Variants in RMDN3 observed in about 807,000 individuals in gnomAD.
The protein encoded by RMDN3 is regulator of microtubule dynamics protein 3.
RMDN3 carries 41 observed loss-of-function variants against 61.8 expected under a neutral mutation model. The ratio of observed to expected loss-of-function variants is 0.66; its 90% CI spans 0.52 to 0.86. The LOEUF is 0.86. RMDN3 is among the 40% of genes least tolerant of loss of function. RMDN3 has a pLI of 0.00. For synonymous variants in RMDN3, 247 were observed against 232.0 expected (o/e 1.06, Z -0.59); for missense variants, 557 against 585.3 (o/e 0.95, Z 0.50).
intron 2 of RMDN3, among the ~76,000 whole-genome samples, chr15:40,753,449 G>C (rs925650099): frequency 1.3e-5 from 2 of 151,978 alleles, no homozygotes; most frequent in African/African-American, 4.8e-5. Context: ...GGAGGCGGAG[G>C]TTGCAGTGAG....
chr15:40,741,753 C>G (rs1333630188), intron 6 of RMDN3, among the ~76,000 whole-genome samples: 1 of 150,326 alleles, frequency 6.7e-6, no homozygotes, highest in South Asian at 2.1e-4. Context: ...GTCAGCCTCC[C>G]GAGTAGCTGG....
chr15:40,749,758 C>G (rs1371411265), intron 4 of RMDN3, among the ~76,000 whole-genome samples: 1 of 152,142 alleles, frequency 6.6e-6, no homozygotes, highest in African/African-American at 2.4e-5. Flanking sequence ...TCATTTTTGC[C>G]CCCTCTTTAA....
intron 1 of RMDN3, 56 bp from the exon 2 acceptor site, chr15:40,754,846 GGA>G (rs913169385): frequency 5.1e-5 from 69 of 1,352,480 alleles, no homozygotes; most frequent in East Asian, 3.2e-4. Context: ...GCGGGGGTAA[GGA>G]GAGAGAGAGA....
rs920217281 is a variant in RMDN3, at chr15:40,738,420, A to G, written c.1047+81T>C. 4 of 1,390,154 alleles carry G rather than the reference A, an allele frequency of 2.9e-6. No individual in the cohort carries two copies. In the African/African-American group the frequency reaches 4.3e-5, roughly 15 times the overall value. 86.1% of individuals were successfully genotyped at this position (1,390,154 alleles called of 1,614,324 possible). On this transcript the variant is annotated intron_variant, in intron 8 of 12. Transcript: ENST00000338376. ...AAAGGCAAGTCACTGAGGCTGTAGAAAAGTTTTTGGCAGGGAGCTGGAAAG... is the reference window on the plus strand; with the variant it reads ...AAAGGCAAGTCACTGAGGCTGTAGAGAAGTTTTTGGCAGGGAGCTGGAAAG...
At chr15:40,751,745 C>A in intron 3 of RMDN3, 176 bp from the exon 4 acceptor site, 1 of 966,792 alleles carries the variant, frequency 1.0e-6, no homozygotes, top group Non-Finnish European at 1.6e-6. Context: ...CCAGCCCGCA[C>A]AGACAGACTA....
At chr15:40,747,070 G>C (rs1897601644) in intron 4 of RMDN3, among the ~76,000 whole-genome samples, 1 of 152,110 alleles carries the variant, frequency 6.6e-6, no homozygotes, top group Non-Finnish European at 1.5e-5. Flanking sequence ...ATGCAAAATG[G>C]GTAGATGGTT....
chr15:40,751,097 G>A (rs550911920), intron 4 of RMDN3, among the ~76,000 whole-genome samples: 1 of 152,170 alleles, frequency 6.6e-6, no homozygotes. Context: ...AGACATCTCC[G>A]TATACCAGCT....
intron 4 of RMDN3, among the ~76,000 whole-genome samples, chr15:40,750,531 G>A (rs1184874065): frequency 6.6e-6 from 1 of 151,840 alleles, no homozygotes; most frequent in African/African-American, 2.4e-5. Context: ...GTCCAGGATG[G>A]TCTCAAGCTC....
At chr15:40,743,783 C>T (rs1027574530) in intron 6 of RMDN3, among the ~76,000 whole-genome samples, 8 of 152,196 alleles carry the variant, frequency 5.3e-5, no homozygotes, top group Non-Finnish European at 1.0e-4. Flanking sequence ...GTGAGAAAAA[C>T]GAATAACATT....
Position 40,736,573 on chromosome 15 carries a change from G to A in RMDN3, c.1381C>T (p.Leu461=), listed in dbSNP as rs764854114. Residue 461 remains leucine (L), a synonymous_variant, in exon 13 of 13, where the codon CTG becomes TTG. Transcript: ENST00000338376. The part of the protein sequence containing the change: ...TKEDLAIQKD[L]EELEVILRD ...CGTAAAATGACTTCCAGTTCTTCCA[G>A]GTCCTTCTGGATAGCCAAATCCTAG... 9.3e-6 allele frequency: 15 copies of A among 1,613,836 alleles called. No individual in the cohort carries two copies. The highest frequency in any genetic ancestry group is 1.3e-5 in the Non-Finnish European group (15 of 1,179,966).
At chr15:40,742,692 G>C (rs1897329215) in intron 6 of RMDN3, among the ~76,000 whole-genome samples, 1 of 152,172 alleles carries the variant, frequency 6.6e-6, no homozygotes, top group Non-Finnish European at 1.5e-5. Flanking sequence ...GTCCATGGGT[G>C]CTAAGCTCAG....
Position 40,736,072 on chromosome 15 carries a change from A to G in RMDN3, c.*469T>C, listed in dbSNP as rs1897027736. On this transcript the variant is annotated 3_prime_UTR_variant, in exon 13 of 13. Coordinates refer to ENST00000338376, the MANE Select transcript of RMDN3 (RefSeq NM_018145.3). ...AGAATTCACATGATAGGTGATAAGA[A>G]AGCAATGTCTGTGGGCCACTCTGAT... is the stretch of plus-strand genomic sequence containing the variant. 6.5e-6 allele frequency: 1 copy of G among 153,730 alleles called. No homozygotes were observed. The highest frequency in any genetic ancestry group is 6.5e-5 in the Admixed American group (1 of 15,336). 9.5% of individuals were successfully genotyped at this position (153,730 alleles called of 1,614,324 possible).
At chr15:40,745,305 A>G (rs752139998) in intron 4 of RMDN3, 46 bp from the exon 5 acceptor site, 15 of 1,586,982 alleles carry the variant, frequency 9.5e-6, no homozygotes, top group Non-Finnish European at 1.3e-5. Context: ...TTCAGCTCAG[A>G]GCCCCTAGGG....
chr15:40,744,373 G>A (rs543136954), intron 5 of RMDN3: 1 of 500,584 alleles, frequency 2.0e-6, no homozygotes, highest in African/African-American at 2.0e-5. Flanking sequence ...ACAATTACGG[G>A]GTGAGGGCAT....
chr15:40,740,079 T>G, intron 7 of RMDN3, 54 bp downstream of exon 7: 1 of 1,177,012 alleles, frequency 8.5e-7, no homozygotes, highest in Non-Finnish European at 1.3e-6. Context: ...GAAAGGGCTG[T>G]CCTCTGCTTT....
intron 4 of RMDN3, 21 bp downstream of exon 4, chr15:40,751,405 C>T (rs1897813103): frequency 6.2e-7 from 1 of 1,610,760 alleles, no homozygotes; most frequent in South Asian, 1.1e-5. Context: ...GCCATAACTG[C>T]CTCCAAGAGA....
At chr15:40,754,127 CTTTTTTTT>C (rs71428308) in intron 2 of RMDN3, among the ~76,000 whole-genome samples, 14 of 123,880 alleles carry the variant, frequency 1.1e-4, no homozygotes, top group Non-Finnish European at 1.7e-4. Context: ...ACCACGACTG[CTTTTTTTT>C]TTTTTTTTTT....
intron 2 of RMDN3, among the ~76,000 whole-genome samples, chr15:40,753,828 G>GA (rs1377174444): frequency 9.9e-5 from 15 of 151,302 alleles, no homozygotes; most frequent in Admixed American, 1.3e-4. Flanking sequence ...GGGATAAAAA[G>GA]AAAAAAAAAC....
chr15:40,749,278 C>T (rs1897710525), intron 4 of RMDN3, among the ~76,000 whole-genome samples: 1 of 152,208 alleles, frequency 6.6e-6, no homozygotes, highest in Admixed American at 6.5e-5. Flanking sequence ...CACTTGGAGG[C>T]TGATGTGGGA....
Sources: gnomAD v4.1 joint callset for allele counts (sites outside exome capture counted in the v4.1 genomes callset) on GRCh38, gnomAD v4.1.1 for gene constraint, MANE v1.5 for transcripts, NCBI Gene and HGNC (gene_info 2026-07-23, HGNC 2026-07-21) for gene names.